Variants in NOL4 observed in about 807,000 individuals in gnomAD.
The protein encoded by NOL4 is cancer/testis antigen 125.
Under a neutral mutation model 75.9 loss-of-function variants are expected in NOL4, and 17 were observed. The ratio of observed to expected loss-of-function variants is 0.22; its 90% confidence interval spans 0.15 to 0.34. The LOEUF is 0.34. Among genes scored for constraint, NOL4 ranks in the 10% least tolerant of loss-of-function variants. The pLI is 1.00. For synonymous variants in NOL4, 292 were observed against 289.9 expected, an observed-to-expected ratio of 1.01 and a Z score of -0.07; for missense variants, 614 against 793.5, an observed-to-expected ratio of 0.77 and a Z score of 2.72.
In NOL4 at chr18:34,115,054, G is replaced by T. The variant is rs182727162; in HGVS notation, c.415-9894C>A. On this transcript the variant is annotated intron_variant, in intron 2 of 10. Transcript: ENST00000261592. ...AGGAAAATAGGGCAAAGAGTCCTCGGCAGAATTTCTGCTCTAACAAAGAGC... is the reference window on the plus strand; with the variant it reads ...AGGAAAATAGGGCAAAGAGTCCTCGTCAGAATTTCTGCTCTAACAAAGAGC... 3.0e-3 allele frequency among the ~76,000 whole-genome samples: 461 copies of T among 152,234 alleles called. 2 individuals are homozygous for T. The highest frequency in any genetic ancestry group is 0.017 in the Middle Eastern group (5 of 292).
intron 9 of NOL4, among the ~76,000 whole-genome samples, chr18:33,889,263 A>C (rs934930647): frequency 2.0e-5 from 3 of 152,166 alleles, no homozygotes; most frequent in African/African-American, 7.2e-5. Flanking sequence ...TAAACTTGAA[A>C]ATCTAGAAGA....
intron 1 of NOL4, among the ~76,000 whole-genome samples, chr18:34,143,412 C>T (rs1036484134): frequency 1.3e-5 from 2 of 152,214 alleles, no homozygotes; most frequent in Non-Finnish European, 2.9e-5. Context: ...TTGCTGAACC[C>T]TTGTATATCT....
chr18:33,943,323 G>A, intron 8 of NOL4, 145 bp from the exon 9 acceptor site: 1 of 606,796 alleles, frequency 1.6e-6, no homozygotes, highest in South Asian at 2.1e-5. Context: ...ATAGAAAGAG[G>A]AAATGGAAAT....
intron 6 of NOL4, among the ~76,000 whole-genome samples, chr18:33,977,608 A>G (rs151214121): frequency 1.6e-3 from 246 of 152,306 alleles, no homozygotes; most frequent in African/African-American, 5.6e-3. Context: ...TATGAAAATG[A>G]ACTCATACAT....
At chr18:34,086,967 C>T (rs78480484) in intron 5 of NOL4, among the ~76,000 whole-genome samples, 214 of 152,190 alleles carry the variant, frequency 1.4e-3, no homozygotes, top group African/African-American at 4.8e-3. Flanking sequence ...CATGCTATTC[C>T]TCATTCAAAA....
chr18:33,926,179 G>A (rs1438463164), intron 9 of NOL4, among the ~76,000 whole-genome samples: 1 of 151,794 alleles, frequency 6.6e-6, no homozygotes. Flanking sequence ...GGCCAACATG[G>A]TGAAACCCTG....
At chr18:34,150,935 A>G (rs769239328) in intron 1 of NOL4, among the ~76,000 whole-genome samples, 19 of 151,804 alleles carry the variant, frequency 1.3e-4, no homozygotes, top group Non-Finnish European at 2.4e-4. Flanking sequence ...TAAAATGTAC[A>G]AAAGATCTGA....
intron 1 of NOL4, among the ~76,000 whole-genome samples, chr18:34,138,749 T>C (rs953796079): frequency 3.3e-5 from 5 of 152,196 alleles, no homozygotes; most frequent in Admixed American, 1.3e-4. Flanking sequence ...ATCCCTGTCT[T>C]GTGCCAGTTT....
intron 1 of NOL4, among the ~76,000 whole-genome samples, chr18:34,211,054 T>G (rs912210679): frequency 6.6e-6 from 1 of 151,252 alleles, no homozygotes; most frequent in African/African-American, 2.4e-5. Context: ...CACTCCAGCC[T>G]GAGTGACAGA....
chr18:33,981,267 CAG>C (rs1323773003), intron 6 of NOL4, among the ~76,000 whole-genome samples: 2 of 149,284 alleles, frequency 1.3e-5, no homozygotes, highest in African/African-American at 4.9e-5. Flanking sequence ...AGAGAAAAAA[CAG>C]AATCTTTGAA....
At chr18:34,133,805 T>C (rs1469641624) in intron 1 of NOL4, among the ~76,000 whole-genome samples, 2 of 152,090 alleles carry the variant, frequency 1.3e-5, no homozygotes, top group East Asian at 3.9e-4. Context: ...AGGCAGATCA[T>C]GAGGTCAGGA....
chr18:34,220,025 T>A (rs934015726), intron 1 of NOL4, among the ~76,000 whole-genome samples: 2 of 152,210 alleles, frequency 1.3e-5, no homozygotes, highest in Non-Finnish European at 2.9e-5. Flanking sequence ...TTATTTTAAG[T>A]CAGTTGTAAC....
At chr18:34,075,729 C>A (rs927678688) in intron 5 of NOL4, among the ~76,000 whole-genome samples, 13 of 152,264 alleles carry the variant, frequency 8.5e-5, no homozygotes, top group African/African-American at 3.1e-4. Context: ...CTCTTATGTT[C>A]CTCTTCCTCC....
chr18:34,073,872 C>T (rs1298820158), intron 5 of NOL4, among the ~76,000 whole-genome samples: 1 of 151,910 alleles, frequency 6.6e-6, no homozygotes, highest in East Asian at 1.9e-4. Context: ...ATGGACAACA[C>T]TTACATAGCC....
At chr18:34,085,212 AT>A (rs1389975037) in intron 5 of NOL4, among the ~76,000 whole-genome samples, 2 of 152,186 alleles carry the variant, frequency 1.3e-5, no homozygotes, top group African/African-American at 4.8e-5. Context: ...TCTTAATTTT[AT>A]TTATGCCTTA....
At chr18:34,151,888 CTT>C (rs1278418868) in intron 1 of NOL4, among the ~76,000 whole-genome samples, 1 of 151,736 alleles carries the variant, frequency 6.6e-6, no homozygotes, top group Non-Finnish European at 1.5e-5. Flanking sequence ...AGGATATACT[CTT>C]TGGAGGAGTG....
intron 5 of NOL4, among the ~76,000 whole-genome samples, chr18:34,059,450 T>C (rs2076978923): frequency 6.6e-6 from 1 of 152,100 alleles, no homozygotes; most frequent in Admixed American, 6.5e-5. Flanking sequence ...CTGATTTTTT[T>C]TCTTAATGTC....
chr18:34,134,603 A>T (rs1446585275), intron 1 of NOL4, among the ~76,000 whole-genome samples: 1 of 152,096 alleles, frequency 6.6e-6, no homozygotes, highest in Non-Finnish European at 1.5e-5. Context: ...CAGAAGATAT[A>T]TAAAGAAATA....
intron 6 of NOL4, among the ~76,000 whole-genome samples, chr18:33,998,410 T>G (rs1272064265): frequency 6.6e-6 from 1 of 151,976 alleles, no homozygotes; most frequent in African/African-American, 2.4e-5. Flanking sequence ...CCATGAATGC[T>G]CCCCAGTATT....
Sources: allele counts gnomAD v4.1 joint callset (sites outside exome capture counted in the v4.1 genomes callset), GRCh38; gene constraint gnomAD v4.1.1; transcripts MANE v1.5; gene names NCBI Gene and HGNC (gene_info 2026-07-23, HGNC 2026-07-21).